The following NKAIN3 variants were observed in gnomAD, a reference collection of about 807,000 sequenced individuals.
NKAIN3 encodes sodium/potassium-transporting ATPase subunit beta-1-interacting protein 3.
NKAIN3 carries 25 observed loss-of-function variants against 30.2 expected under a neutral mutation model. That is an observed-to-expected ratio of 0.83 (90% CI 0.60 to 1.16). The LOEUF (loss-of-function observed/expected upper bound fraction) is 1.16, where lower values mean the gene tolerates loss of function less well. Ranked by LOEUF, NKAIN3 falls within the 50% of genes most tolerant of loss-of-function variation. NKAIN3 has a pLI of 0.00. For synonymous variants in NKAIN3, 91 were observed against 89.6 expected (o/e 1.02, Z -0.09); for missense variants, 225 against 254.1 (o/e 0.89, Z 0.78).
chr8:62,598,472 G>C (rs548008066), intron 3 of NKAIN3, among the ~76,000 whole-genome samples: 13 of 152,114 alleles, frequency 8.5e-5, no homozygotes, highest in African/African-American at 3.1e-4. Context: ...ATTGGCTCTG[G>C]GTCAAGTTAA....
At chr8:62,347,968 T>A (rs544106559) in intron 1 of NKAIN3, among the ~76,000 whole-genome samples, 2 of 152,194 alleles carry the variant, frequency 1.3e-5, no homozygotes, top group African/African-American at 4.8e-5. Context: ...AGAAGAATTG[T>A]CAGGCCTTAA....
At chr8:62,878,570 G>T (rs926393709) in intron 4 of NKAIN3, among the ~76,000 whole-genome samples, 1 of 151,908 alleles carries the variant, frequency 6.6e-6, no homozygotes. Flanking sequence ...GTGCAGGTTT[G>T]TTACATGTGT....
chr8:62,823,530 G>A (rs543998237), intron 4 of NKAIN3, among the ~76,000 whole-genome samples: 12 of 152,226 alleles, frequency 7.9e-5, no homozygotes, highest in Non-Finnish European at 1.5e-4. Context: ...TTAAAACCTA[G>A]CATCATACTA....
intron 3 of NKAIN3, among the ~76,000 whole-genome samples, chr8:62,612,564 G>A (rs1303561672): frequency 1.3e-5 from 2 of 150,494 alleles, no homozygotes; most frequent in Non-Finnish European, 3.0e-5. Flanking sequence ...CAGTAAGTCA[G>A]TCCATGTCTT....
chr8:62,497,387 CTG>C (rs1379378274), intron 1 of NKAIN3, among the ~76,000 whole-genome samples: 4 of 151,486 alleles, frequency 2.6e-5, no homozygotes, highest in African/African-American at 9.7e-5. Context: ...AAGCAATGTC[CTG>C]TGGAACATGA....
At chr8:62,713,967 C>T (rs1361295376) in intron 3 of NKAIN3, among the ~76,000 whole-genome samples, 1 of 151,988 alleles carries the variant, frequency 6.6e-6, no homozygotes, top group Admixed American at 6.6e-5. Context: ...TTCAATTTAT[C>T]CAGATAGTAT....
At chr8:62,512,334 A>G (rs772388009) in intron 1 of NKAIN3, among the ~76,000 whole-genome samples, 1 of 152,106 alleles carries the variant, frequency 6.6e-6, no homozygotes, top group Non-Finnish European at 1.5e-5. Flanking sequence ...GTATTTCTCT[A>G]TAATGTTCCT....
At chr8:62,448,280 A>G (rs1319446667) in intron 1 of NKAIN3, among the ~76,000 whole-genome samples, 5 of 151,798 alleles carry the variant, frequency 3.3e-5, no homozygotes, top group African/African-American at 1.2e-4. Flanking sequence ...GACTACAAAG[A>G]GCTTCTTTTC....
At chr8:62,709,496 G>A (rs149599632) in intron 3 of NKAIN3, among the ~76,000 whole-genome samples, 32 of 152,228 alleles carry the variant, frequency 2.1e-4, no homozygotes, top group African/African-American at 7.0e-4. Flanking sequence ...ACGTTTTCTA[G>A]TTTATGTGTG....
chr8:62,339,844 A>C (rs1815684573), intron 1 of NKAIN3, among the ~76,000 whole-genome samples: 1 of 152,058 alleles, frequency 6.6e-6, no homozygotes, highest in African/African-American at 2.4e-5. Context: ...AAAGAAAAAA[A>C]ATCTAACATT....
At chr8:62,322,039 T>C (rs915507080) in intron 1 of NKAIN3, among the ~76,000 whole-genome samples, 5 of 151,984 alleles carry the variant, frequency 3.3e-5, no homozygotes, top group Non-Finnish European at 7.4e-5. Context: ...CCGACACCCC[T>C]CCCCCAGCCT....
At position 62,441,661 on chromosome 8, in the gene NKAIN3, A is replaced by G. The variant is rs190234302; in HGVS notation, c.55-137878A>G. On this transcript the variant is annotated intron_variant, in intron 1 of 6. Transcript: ENST00000623646. ...TTTTAAGAATGTGCCTGTTAACTAC[A>G]TTAGATTTGCTTTGTAGATGAACAT... Among the ~76,000 whole-genome samples the G allele has an allele frequency of 2.0e-5, 3 of 152,150 alleles. No individual in the cohort carries two copies. The East Asian group carries it at 5.8e-4, about 29-fold the overall frequency.
chr8:62,382,238 GAAAAC>G (rs1405514865), intron 1 of NKAIN3, among the ~76,000 whole-genome samples: 1 of 152,120 alleles, frequency 6.6e-6, no homozygotes, highest in Non-Finnish European at 1.5e-5. Flanking sequence ...GTAAGTTAGA[GAAAAC>G]AAAATGTTAT....
At chr8:62,648,656 A>G (rs1377975502) in intron 3 of NKAIN3, among the ~76,000 whole-genome samples, 1 of 152,214 alleles carries the variant, frequency 6.6e-6, no homozygotes, top group African/African-American at 2.4e-5. Flanking sequence ...AATCCCCTTA[A>G]CAAAAAGGTG....
chr8:62,880,727 C>T (rs1438481629), intron 4 of NKAIN3, among the ~76,000 whole-genome samples: 1 of 152,194 alleles, frequency 6.6e-6, no homozygotes, highest in East Asian at 1.9e-4. Flanking sequence ...CCTATGGGGA[C>T]TCCAGATAGA....
At chr8:62,692,509 C>T (rs1436271696) in intron 3 of NKAIN3, among the ~76,000 whole-genome samples, 1 of 152,116 alleles carries the variant, frequency 6.6e-6, no homozygotes, top group Non-Finnish European at 1.5e-5. Flanking sequence ...CCTGGGAGGA[C>T]CTTCCATTCC....
intron 1 of NKAIN3, among the ~76,000 whole-genome samples, chr8:62,281,341 A>AT (rs1456828161): frequency 1.3e-5 from 2 of 151,800 alleles, no homozygotes; most frequent in African/African-American, 2.4e-5. Flanking sequence ...GGATTCATGG[A>AT]TTTTTTGAAG....
chr8:62,336,128 T>G (rs1815543729), intron 1 of NKAIN3, among the ~76,000 whole-genome samples: 1 of 152,048 alleles, frequency 6.6e-6, no homozygotes, highest in African/African-American at 2.4e-5. Context: ...CCTGAGGTCA[T>G]TTGTAACTTT....
chr8:62,685,756 G>A (rs1207308658), intron 3 of NKAIN3, among the ~76,000 whole-genome samples: 1 of 152,156 alleles, frequency 6.6e-6, no homozygotes, highest in Non-Finnish European at 1.5e-5. Context: ...AGTTTCTCTA[G>A]CAAGTATGGT....
Sources: allele counts gnomAD v4.1 joint callset (sites outside exome capture counted in the v4.1 genomes callset), GRCh38; gene constraint gnomAD v4.1.1; transcripts MANE v1.5; gene names NCBI Gene and HGNC (gene_info 2026-07-23, HGNC 2026-07-21).